The following KCNJ12 variants were observed in gnomAD, a reference collection of about 807,000 sequenced individuals.
The protein encoded by KCNJ12 is ATP-sensitive inward rectifier potassium channel 12.
A neutral mutation model predicts 22.3 loss-of-function variants in KCNJ12; 2 were observed. The ratio of observed to expected loss-of-function variants is 0.09; its 90% CI spans 0.04 to 0.28. KCNJ12 has a LOEUF of 0.28. Among genes scored for constraint, KCNJ12 ranks in the 10% least tolerant of loss-of-function variants. The pLI, the probability that KCNJ12 is intolerant of heterozygous loss-of-function variation, is 1.00. For missense variants in KCNJ12, 155 were observed against 633.3 expected, an observed-to-expected ratio of 0.24 and a Z score of 8.11; for synonymous variants, 117 against 261.4, an observed-to-expected ratio of 0.45 and a Z score of 5.33.
intron 1 of KCNJ12, among the ~76,000 whole-genome samples, chr17:21,406,590 AG>A (rs1905951089): frequency 6.6e-6 from 1 of 152,302 alleles, no homozygotes; most frequent in African/African-American, 2.4e-5. Context: ...ACTAGAGACC[AG>A]GCAGGCCATC....
chr17:21,400,703 C>T (rs1302434012), intron 1 of KCNJ12, among the ~76,000 whole-genome samples: 1 of 152,312 alleles, frequency 6.6e-6, no homozygotes, highest in Non-Finnish European at 1.5e-5. Context: ...CTGAGCTGTT[C>T]GTGTGCTAGG....
chr17:21,416,452 C>T lies in KCNJ12; in HGVS notation c.1110C>T (p.Pro370=), dbSNP rs782031316. 22 of 1,614,028 alleles carry T rather than the reference C, an allele frequency of 1.4e-5. No individual in the cohort carries two copies. Among genetic ancestry groups the T allele is most frequent in the Non-Finnish European group, 1.4e-5 (17 of 1,180,066 alleles). Residue 370 remains proline (P), a synonymous_variant, in exon 3 of 3, where the codon CCC becomes CCT. Transcript: ENST00000583088. ...KDLVENKFLL[P]SANSFCYENE... ...TGGTAGAGAACAAGTTCCTGCTGCCCAGCGCCAACTCCTTCTGCTACGAGA... is the reference window on the plus strand; with the variant it reads ...TGGTAGAGAACAAGTTCCTGCTGCCTAGCGCCAACTCCTTCTGCTACGAGA...
In KCNJ12 at chr17:21,399,861, C is replaced by T. The variant is rs1446944735; in HGVS notation, c.-178-8658C>T. ...TCCTATCCGAGCCCCAGTTTCTTGCCTCTATCAAAAGAAACTGGTGTGAAT... is the reference window on the plus strand; with the variant it reads ...TCCTATCCGAGCCCCAGTTTCTTGCTTCTATCAAAAGAAACTGGTGTGAAT... On this transcript the variant is annotated intron_variant, in intron 1 of 2. Transcript: ENST00000583088. Among the ~76,000 whole-genome samples the T allele has an allele frequency of 2.0e-5, 3 of 152,362 alleles. No individual in the cohort carries two copies. In the East Asian group the frequency reaches 5.8e-4, roughly 29 times the overall value.
chr17:21,406,188 C>T (rs1250619160), intron 1 of KCNJ12, among the ~76,000 whole-genome samples: 2 of 152,302 alleles, frequency 1.3e-5, no homozygotes, highest in Non-Finnish European at 1.5e-5. Context: ...CTCTCAGCCT[C>T]AGTTTTCCTA....
At chr17:21,385,098 T>C (rs1227244247) in intron 1 of KCNJ12, among the ~76,000 whole-genome samples, 2 of 152,170 alleles carry the variant, frequency 1.3e-5, no homozygotes, top group Non-Finnish European at 2.9e-5. Flanking sequence ...TTGACCTGTC[T>C]CCAAGCTTCC....
At chr17:21,404,304 C>T (rs1419183688) in intron 1 of KCNJ12, among the ~76,000 whole-genome samples, 7 of 152,292 alleles carry the variant, frequency 4.6e-5, no homozygotes, top group African/African-American at 7.2e-5. Context: ...TGGTCTCAGG[C>T]GGGGTTCTCT....
intron 1 of KCNJ12, among the ~76,000 whole-genome samples, chr17:21,397,456 A>C (rs1447357074): frequency 1.3e-5 from 2 of 152,234 alleles, no homozygotes; most frequent in African/African-American, 4.8e-5. Flanking sequence ...GTCTGATGAA[A>C]TATAAATAGC....
At position 21,416,096 on chromosome 17, in the gene KCNJ12, G is replaced by A. The variant is rs145578286; in HGVS notation, c.754G>A (p.Asp252Asn). 7 of 1,612,628 alleles carry A rather than the reference G, an allele frequency of 4.3e-6. No homozygotes were observed. Among genetic ancestry groups the A allele is most frequent in the East Asian group, 2.2e-5 (1 of 44,842 alleles). ...EYIPLDQIDI[D>N]VGFDKGLDRI... ...CATCCCGCTGGACCAGATCGACATC[G>A]ATGTGGGCTTCGACAAGGGCCTGGA... Residue 252 changes from aspartate (D) to asparagine (N), a missense_variant, in exon 3 of 3, where the codon GAT becomes AAT. Asp to Asn is a conservative substitution (Grantham distance 23). Coordinates refer to ENST00000583088, the MANE Select transcript of KCNJ12 (RefSeq NM_021012.5).
chr17:21,378,270 G>C (rs1904739089), intron 1 of KCNJ12, among the ~76,000 whole-genome samples: 2 of 152,250 alleles, frequency 1.3e-5, no homozygotes, highest in Non-Finnish European at 2.9e-5. Flanking sequence ...GCGAGGGTCA[G>C]AGAGGGGAGG....
At chr17:21,396,522 A>T (rs1905369474) in intron 1 of KCNJ12, among the ~76,000 whole-genome samples, 1 of 152,178 alleles carries the variant, frequency 6.6e-6, no homozygotes, top group Non-Finnish European at 1.5e-5. Context: ...GCTCAGAGAG[A>T]CATCCCCGTG....
chr17:21,410,105 C>T (rs868990327), intron 2 of KCNJ12, among the ~76,000 whole-genome samples: 70 of 152,292 alleles, frequency 4.6e-4, no homozygotes, highest in Non-Finnish European at 7.9e-4. Context: ...GTGCCCAACA[C>T]GTCTTTGCCT....
rs1597584779 is a variant in KCNJ12, at chr17:21,415,214, G to C, written c.-56-73G>C. On this transcript the variant is annotated intron_variant, in intron 2 of 2. Transcript: ENST00000583088. ...GTGGAAGCGTCCTCCAGTCACGTCTGGGGGCCCTGGGATGGGGGTAGAGGA... is the reference window on the plus strand; with the variant it reads ...GTGGAAGCGTCCTCCAGTCACGTCTCGGGGCCCTGGGATGGGGGTAGAGGA... 6.9e-6 allele frequency: 10 copies of C among 1,445,970 alleles called. No homozygotes were observed. The East Asian group carries it at 2.5e-4, about 36-fold the overall frequency. 89.6% of individuals were successfully genotyped at this position (1,445,970 alleles called of 1,614,324 possible).
intron 1 of KCNJ12, among the ~76,000 whole-genome samples, chr17:21,406,067 G>T (rs1905911467): frequency 6.6e-6 from 1 of 152,278 alleles, no homozygotes; most frequent in African/African-American, 2.4e-5. Context: ...AGGGGCTGCT[G>T]CCCACACTTC....
At chr17:21,387,811 G>C (rs1216113448) in intron 1 of KCNJ12, among the ~76,000 whole-genome samples, 5 of 152,168 alleles carry the variant, frequency 3.3e-5, no homozygotes, top group African/African-American at 1.2e-4. Context: ...TGTAATTCCT[G>C]GACACGGAGG....
At chr17:21,414,908 G>A (rs1266000632) in intron 2 of KCNJ12, among the ~76,000 whole-genome samples, 6 of 152,308 alleles carry the variant, frequency 3.9e-5, no homozygotes, top group African/African-American at 1.4e-4. Flanking sequence ...GGCCCTCTGT[G>A]GCTGCCATGG....
intron 2 of KCNJ12, 111 bp downstream of exon 2, chr17:21,408,751 A>G (rs1277164263): frequency 1.3e-5 from 2 of 151,864 alleles, no homozygotes; most frequent in Non-Finnish European, 2.9e-5. Context: ...TTCATCACCC[A>G]TTCCCCCACC....
At position 21,383,250 on chromosome 17, in the gene KCNJ12, T is replaced by C. The variant is rs566504339; in HGVS notation, c.-179+6337T>C. Among the ~76,000 whole-genome samples the C allele has an allele frequency of 2.6e-5, 4 of 152,296 alleles. No individual in the cohort carries two copies. The East Asian group carries it at 7.7e-4, about 29-fold the overall frequency. ...GGGCCCGAGCTGGCGGCTCCAGGCC[T>C]GCAATTCTCCAGCACTTAAAGCAAA... On this transcript the variant is annotated intron_variant, in intron 1 of 2. Coordinates refer to ENST00000583088, the MANE Select transcript of KCNJ12 (RefSeq NM_021012.5).
At chr17:21,415,162 C>T (rs1247899584) in intron 2 of KCNJ12, 125 bp from the exon 3 acceptor site, 6 of 1,053,376 alleles carry the variant, frequency 5.7e-6, no homozygotes, top group Non-Finnish European at 8.2e-6. Context: ...TTGGGCAAGA[C>T]CAGAGCACGA....
chr17:21,379,580 G>A (rs1167430099), intron 1 of KCNJ12, among the ~76,000 whole-genome samples: 2 of 152,212 alleles, frequency 1.3e-5, no homozygotes, highest in Non-Finnish European at 2.9e-5. Flanking sequence ...GTCAGGGAGG[G>A]GGCAGCTTGC....
Sources: gnomAD v4.1 joint callset for allele counts (sites outside exome capture counted in the v4.1 genomes callset) on GRCh38, gnomAD v4.1.1 for gene constraint, MANE v1.5 for transcripts, NCBI Gene and HGNC (gene_info 2026-07-23, HGNC 2026-07-21) for gene names.